The following IL1RN variants were observed in gnomAD, a reference collection of about 807,000 sequenced individuals.
IL1RN encodes the protein interleukin-1 receptor antagonist protein.
Under a neutral mutation model 13.7 loss-of-function variants are expected in IL1RN, and 10 were observed. That is an observed-to-expected ratio of 0.73 (90% confidence interval 0.45 to 1.24). The LOEUF is 1.24. Ranked by LOEUF, IL1RN falls within the 50% of genes most tolerant of loss-of-function variation. The pLI is 0.00. For synonymous variants in IL1RN, 102 were observed against 82.7 expected, an observed-to-expected ratio of 1.23 and a Z score of -1.27; for missense variants, 213 against 222.1, an observed-to-expected ratio of 0.96 and a Z score of 0.26.
At chr2:113,128,231 A>G (rs1687036045) in intron 1 of IL1RN, among the ~76,000 whole-genome samples, 1 of 152,254 alleles carries the variant, frequency 6.6e-6, no homozygotes, top group African/African-American at 2.4e-5. Flanking sequence ...TGTGAAAATT[A>G]AATGCACAGA....
chr2:113,128,172 T>A (rs538311079), intron 1 of IL1RN, among the ~76,000 whole-genome samples: 1 of 152,378 alleles, frequency 6.6e-6, no homozygotes, highest in East Asian at 1.9e-4. Flanking sequence ...GTCTGTGACA[T>A]CTGTGACATG....
At chr2:113,105,591 CT>C (rs1573270127), upstream of IL1RN, among the ~76,000 whole-genome samples, 1 of 152,218 alleles carries the variant, frequency 6.6e-6, no homozygotes, top group East Asian at 1.9e-4. Context: ...AGTTCCATCT[CT>C]TCTGAGAACT....
At position 113,133,131 on chromosome 2, in the gene IL1RN, C is replaced by T; in HGVS notation, c.*260C>T. On this transcript the variant is annotated 3_prime_UTR_variant, in exon 4 of 4. Transcript: ENST00000409930. The stretch of plus-strand genomic sequence containing the variant: ...CCTGCACAAAGCCCTTCCATGTCGC[C>T]TCTGCATTCAGGATCAAACCCCGAC... The T allele has an allele frequency of 3.7e-6, 2 of 546,314 alleles. No individual in the cohort carries two copies. The highest frequency in any genetic ancestry group is 4.0e-5 in the South Asian group (2 of 50,488). The allele number at this position is 546,314 out of a possible 1,614,324, so 33.8% of individuals were successfully genotyped here.
At chr2:113,122,849 G>C (rs1686822802), upstream of IL1RN, among the ~76,000 whole-genome samples, 1 of 152,196 alleles carries the variant, frequency 6.6e-6, no homozygotes, top group South Asian at 2.1e-4. Context: ...TTATGGGCTG[G>C]GCACAGTGGC....
chr2:113,101,470 G>A, the IL1RN span, among the ~76,000 whole-genome samples: 1 of 151,956 alleles, frequency 6.6e-6, no homozygotes, highest in Non-Finnish European at 1.5e-5. Context: ...AAAATAACAA[G>A]TTGCACCTAC....
At chr2:113,116,891 C>A (rs1476997791), upstream of IL1RN, among the ~76,000 whole-genome samples, 1 of 152,202 alleles carries the variant, frequency 6.6e-6, no homozygotes, top group Non-Finnish European at 1.5e-5. Context: ...CAGATAGCAT[C>A]AGGTCCATTT....
upstream of IL1RN, among the ~76,000 whole-genome samples, chr2:113,117,276 G>T (rs1333168736): frequency 2.0e-5 from 3 of 152,190 alleles, no homozygotes; most frequent in Admixed American, 6.5e-5. Flanking sequence ...CTAAGACATG[G>T]CTTCCACGTA....
At position 113,129,906 on chromosome 2, in the gene IL1RN, C is replaced by T. The variant is rs2071459; in HGVS notation, c.205+242C>T. On this transcript the variant is annotated intron_variant, in intron 2 of 3. Transcript: ENST00000409930. ...GTCAGTGCCTATAGGCACAGTGGTCCCAGGGCCACAGCTGGGAAGGGCAAA... is the reference window on the plus strand; with the variant it reads ...GTCAGTGCCTATAGGCACAGTGGTCTCAGGGCCACAGCTGGGAAGGGCAAA... 0.18 allele frequency: 88,654 copies of T among 504,864 alleles called. 11,325 individuals carry two copies. Among genetic ancestry groups the T allele is most frequent in the East Asian group, 0.62 (17,794 of 28,870 alleles). 31.3% of individuals were successfully genotyped at this position (504,864 alleles called of 1,614,324 possible). A position where few individuals can be genotyped will look rare whatever the true frequency, so the allele number is the denominator to read the frequency against.
chr2:113,100,337 A>C, the IL1RN span, among the ~76,000 whole-genome samples: 3 of 151,184 alleles, frequency 2.0e-5, no homozygotes, highest in African/African-American at 7.3e-5. Context: ...AAAAAAAAAA[A>C]AAAAGGCTGG....
At chr2:113,116,926 A>C (rs757356214), upstream of IL1RN, among the ~76,000 whole-genome samples, 3 of 152,228 alleles carry the variant, frequency 2.0e-5, no homozygotes, top group Non-Finnish European at 4.4e-5. Context: ...TGAGGTCTGA[A>C]GGGCAGAAGT....
At chr2:113,127,822 G>C (rs2853629) in intron 1 of IL1RN, 82 bp downstream of exon 1, 2 of 1,398,146 alleles carry the variant, frequency 1.4e-6, no homozygotes, top group Non-Finnish European at 2.0e-6. Flanking sequence ...GGGCTGCCAG[G>C]CCCCAGAGGG....
the IL1RN span, among the ~76,000 whole-genome samples, chr2:113,101,572 G>A: frequency 6.6e-6 from 1 of 152,238 alleles, no homozygotes; most frequent in African/African-American, 2.4e-5. Flanking sequence ...CCTTTCTCAA[G>A]AATGAAGAGT....
intron 2 of IL1RN, among the ~76,000 whole-genome samples, chr2:113,120,918 G>A (rs1214545237): frequency 1.3e-5 from 2 of 152,160 alleles, no homozygotes; most frequent in Non-Finnish European, 2.9e-5. Context: ...GGCCTGGCCA[G>A]GATCTGGAGC....
chr2:113,123,253 G>T (rs565690138), upstream of IL1RN, among the ~76,000 whole-genome samples: 14 of 152,336 alleles, frequency 9.2e-5, no homozygotes, highest in African/African-American at 3.4e-4. Context: ...GATCTCTTTG[G>T]AGGCATCAGA....
chr2:113,115,067 G>A (rs1175576112), upstream of IL1RN, among the ~76,000 whole-genome samples: 1 of 152,290 alleles, frequency 6.6e-6, no homozygotes, highest in East Asian at 1.9e-4. Context: ...AAACTTAAGG[G>A]CTTGTCTATG....
chr2:113,105,653 T>C (rs990818456), upstream of IL1RN, among the ~76,000 whole-genome samples: 7 of 152,230 alleles, frequency 4.6e-5, no homozygotes, highest in African/African-American at 1.7e-4. Flanking sequence ...TTGGGTGAGA[T>C]GACATTAACA....
chr2:113,118,152 G>T, intron 1 of IL1RN: 1 of 1,478,422 alleles, frequency 6.8e-7, no homozygotes, highest in Non-Finnish European at 9.4e-7. Flanking sequence ...CAAGCGCATG[G>T]AGCTCCAGGC....
upstream of IL1RN, among the ~76,000 whole-genome samples, chr2:113,107,619 G>A (rs1036662015): frequency 4.0e-5 from 6 of 151,014 alleles, no homozygotes; most frequent in Admixed American, 6.6e-5. Flanking sequence ...TGTAATCCCA[G>A]CTACTTGGGA....
At chr2:113,130,030 C>A (rs1687105908) in intron 2 of IL1RN, 1 of 305,692 alleles carries the variant, frequency 3.3e-6, no homozygotes, top group South Asian at 3.2e-5. Flanking sequence ...AATTAATCCA[C>A]CATGTATAAG....
Sources: gnomAD v4.1 joint callset for allele counts (sites outside exome capture counted in the v4.1 genomes callset) on GRCh38, gnomAD v4.1.1 for gene constraint, MANE v1.5 for transcripts, NCBI Gene and HGNC (gene_info 2026-07-23, HGNC 2026-07-21) for gene names.